The following PTPRM variants were observed in gnomAD, a reference collection of about 807,000 sequenced individuals.
PTPRM encodes protein tyrosine phosphatase receptor type M.
In PTPRM, 47 loss-of-function variants were observed where a neutral mutation model predicts 186.7. The ratio of observed to expected loss-of-function variants is 0.25; its 90% CI spans 0.20 to 0.32. The LOEUF (loss-of-function observed/expected upper bound fraction) is 0.32. Among genes scored for constraint, PTPRM ranks in the 10% least tolerant of loss-of-function variants. The pLI is 1.00. For missense variants in PTPRM, 1,494 were observed against 1,865.0 expected (o/e 0.80, Z 3.66); for synonymous variants, 668 against 674.9 (o/e 0.99, Z 0.16).
chr18:8,007,669 G>A (rs552693484), intron 7 of PTPRM, among the ~76,000 whole-genome samples: 2 of 152,170 alleles, frequency 1.3e-5, no homozygotes, highest in South Asian at 2.1e-4. Flanking sequence ...CTGAGACACC[G>A]TGGTTGAGAC....
At chr18:8,350,387 C>A (rs1415273715) in intron 23 of PTPRM, among the ~76,000 whole-genome samples, 2 of 152,202 alleles carry the variant, frequency 1.3e-5, no homozygotes, top group African/African-American at 2.4e-5. Context: ...GCTTTCCCCC[C>A]AAACCTGCTG....
rs2090564802 is a variant in PTPRM, at chr18:8,088,800, A to G, written c.1805A>G (p.Asn602Ser). The G allele has an allele frequency of 5.0e-6, 8 of 1,613,260 alleles. No individual in the cohort carries two copies. The highest frequency in any genetic ancestry group is 1.1e-5 in the South Asian group (1 of 91,052). The change falls in exon 11 of 33, where the codon AAT (asparagine) becomes AGT (serine). Residue 602 changes from asparagine (N) to serine (S), a missense_variant. Asn to Ser is a conservative substitution (Grantham distance 46). Coordinates refer to ENST00000580170, the MANE Select transcript of PTPRM (RefSeq NM_001105244.2). The part of the protein sequence containing the change: ...ELETPLNQTD[N>S]TVTVMLKPAH... ...GAGACACCTTTGAATCAAACTGACA[A>G]TACCGTGACAGTCATGCTGAAACCT...
At chr18:7,883,275 C>A (rs1199271219) in intron 2 of PTPRM, among the ~76,000 whole-genome samples, 4 of 152,066 alleles carry the variant, frequency 2.6e-5, no homozygotes, top group African/African-American at 9.7e-5. Context: ...GAGGGAGACC[C>A]AATTACTCTT....
intron 31 of PTPRM, among the ~76,000 whole-genome samples, chr18:8,392,485 G>A: frequency 6.6e-6 from 1 of 152,018 alleles, no homozygotes; most frequent in East Asian, 1.9e-4. Context: ...AAATTAGCCG[G>A]GCATGGTGGC....
At chr18:7,985,341 A>G (rs560216158) in intron 7 of PTPRM, among the ~76,000 whole-genome samples, 7 of 130,210 alleles carry the variant, frequency 5.4e-5, no homozygotes, top group Non-Finnish European at 1.1e-4. Flanking sequence ...AATTGTATAT[A>G]CACATAAATA....
chr18:8,378,159 G>A, intron 26 of PTPRM, 106 bp from the exon 27 acceptor site: 1 of 1,187,804 alleles, frequency 8.4e-7, no homozygotes, highest in Non-Finnish European at 1.2e-6. Context: ...TTTCTCTCTG[G>A]AGGAACTGTC....
intron 19 of PTPRM, among the ~76,000 whole-genome samples, chr18:8,288,294 G>T (rs1252417443): frequency 6.6e-6 from 1 of 152,214 alleles, no homozygotes; most frequent in Non-Finnish European, 1.5e-5. Context: ...CTGAAATGCA[G>T]CTGAGAGCTT....
chr18:7,997,869 A>C (rs1034578433), intron 7 of PTPRM, among the ~76,000 whole-genome samples: 1 of 152,180 alleles, frequency 6.6e-6, no homozygotes, highest in African/African-American at 2.4e-5. Flanking sequence ...ATCCAAAGAA[A>C]GTTATAACAG....
chr18:8,227,191 T>C (rs542893633), intron 14 of PTPRM, among the ~76,000 whole-genome samples: 1 of 152,194 alleles, frequency 6.6e-6, no homozygotes, highest in African/African-American at 2.4e-5. Flanking sequence ...TAATAAAATA[T>C]ATTCACAGGT....
chr18:7,684,529 C>T (rs987327742), intron 1 of PTPRM, among the ~76,000 whole-genome samples: 6 of 152,072 alleles, frequency 3.9e-5, no homozygotes, highest in African/African-American at 7.2e-5. Context: ...CCCTGGCAAC[C>T]GTAATTCTAT....
At chr18:7,885,533 T>A (rs114440663) in intron 2 of PTPRM, among the ~76,000 whole-genome samples, 1 of 152,096 alleles carries the variant, frequency 6.6e-6, no homozygotes. Context: ...CTGCAAAAAA[T>A]TGCACATAAA....
chr18:7,754,886 A>C (rs1389377227), intron 1 of PTPRM: 1 of 152,158 alleles, frequency 6.6e-6, no homozygotes, highest in African/African-American at 2.4e-5. Context: ...TGAACTTTGA[A>C]CTAGTTAGAG....
In PTPRM at chr18:8,381,460, G is replaced by A. The variant is rs889844961; in HGVS notation, c.3918+1033G>A. 3.3e-5 allele frequency among the ~76,000 whole-genome samples: 5 copies of A among 151,514 alleles called. No homozygotes were observed. In the South Asian group the frequency reaches 1.0e-3, roughly 32 times the overall value. Reference sequence around the variant, plus strand: ...CAATCTGTTTTCTTGCCATCATCCAGCCATAAATGGCATGGACATTCAATT... The same window carrying A: ...CAATCTGTTTTCTTGCCATCATCCAACCATAAATGGCATGGACATTCAATT... On this transcript the variant is annotated intron_variant, in intron 29 of 32. Transcript: ENST00000580170.
intron 1 of PTPRM, among the ~76,000 whole-genome samples, chr18:7,617,944 A>T (rs759107362): frequency 3.3e-5 from 5 of 152,176 alleles, no homozygotes; most frequent in Non-Finnish European, 7.4e-5. Context: ...GAGGAAAAGG[A>T]TTGCTAGAAT....
At chr18:8,326,364 G>A (rs544730647) in intron 22 of PTPRM, among the ~76,000 whole-genome samples, 1 of 152,274 alleles carries the variant, frequency 6.6e-6, no homozygotes, top group African/African-American at 2.4e-5. Context: ...ACTGCTCAAA[G>A]CAATTTACAG....
intron 13 of PTPRM, among the ~76,000 whole-genome samples, chr18:8,130,790 A>G (rs1040902123): frequency 6.6e-6 from 1 of 152,196 alleles, no homozygotes; most frequent in Non-Finnish European, 1.5e-5. Context: ...CCCAATGCAC[A>G]CAGTTTAGAA....
chr18:7,991,982 C>T (rs1389532920), intron 7 of PTPRM, among the ~76,000 whole-genome samples: 2 of 151,994 alleles, frequency 1.3e-5, no homozygotes, highest in South Asian at 2.1e-4. Flanking sequence ...TTTAAACCAT[C>T]GACCAGCCTC....
In PTPRM at chr18:8,272,322, A is replaced by G. The variant is rs549154712; in HGVS notation, c.2754+18908A>G. 4.9e-4 allele frequency among the ~76,000 whole-genome samples: 74 copies of G among 151,048 alleles called. 1 individual carries two copies. The highest frequency in any genetic ancestry group is 1.0e-3 in the Non-Finnish European group (68 of 67,692). On this transcript the variant is annotated intron_variant, in intron 19 of 32. Coordinates refer to ENST00000580170, the MANE Select transcript of PTPRM (RefSeq NM_001105244.2). Reference sequence around the variant, plus strand: ...TTTCTTTTAATACTGTTCTTTATTAATTTCCTTCTACTTTCTTTGAGTTTA... The same window carrying G: ...TTTCTTTTAATACTGTTCTTTATTAGTTTCCTTCTACTTTCTTTGAGTTTA...
chr18:8,279,155 A>G (rs975524754), intron 19 of PTPRM, among the ~76,000 whole-genome samples: 1 of 152,152 alleles, frequency 6.6e-6, no homozygotes, highest in Non-Finnish European at 1.5e-5. Flanking sequence ...TGAAGATCAT[A>G]TATCCTCAAA....
Sources: allele counts gnomAD v4.1 joint callset (sites outside exome capture counted in the v4.1 genomes callset), GRCh38; gene constraint gnomAD v4.1.1; transcripts MANE v1.5; gene names NCBI Gene and HGNC (gene_info 2026-07-23, HGNC 2026-07-21).